Variants in GOLPH3 observed in about 807,000 individuals in gnomAD.
GOLPH3 encodes golgi phosphoprotein 3, also known as coat protein GPP34.
A neutral mutation model predicts 28.5 loss-of-function variants in GOLPH3; 14 were observed. That is an observed-to-expected ratio of 0.49 (90% CI 0.32 to 0.77). The LOEUF is 0.77. GOLPH3 is among the 30% of genes least tolerant of loss of function. The probability of loss-of-function intolerance (pLI) is 0.03; values close to 1 mark genes in which losing one functional copy is unlikely to be tolerated. For missense variants in GOLPH3, 350 were observed against 393.7 expected, an observed-to-expected ratio of 0.89 and a Z score of 0.94; for synonymous variants, 158 against 159.2, an observed-to-expected ratio of 0.99 and a Z score of 0.06.
At chr5:32,127,655 T>G (rs759368973) in intron 3 of GOLPH3, among the ~76,000 whole-genome samples, 10 of 152,184 alleles carry the variant, frequency 6.6e-5, no homozygotes, top group Non-Finnish European at 1.0e-4. Context: ...TCAAAGAAAG[T>G]TCTAGCGGAC....
At chr5:32,143,174 CAT>C (rs2111857323) in intron 2 of GOLPH3, among the ~76,000 whole-genome samples, 1 of 152,332 alleles carries the variant, frequency 6.6e-6, no homozygotes, top group African/African-American at 2.4e-5. Context: ...CTCTCTGAAA[CAT>C]GTGCTGTATC....
chr5:32,124,784 TC>T lies in GOLPH3; in HGVS notation c.*1427del, dbSNP rs1285911516. Reference sequence around the variant, plus strand: ...AAAAGATAGTATACATATTAGGGAATCCCTTAAAATTCAACTCTAGAGTTAT... The same window carrying T: ...AAAAGATAGTATACATATTAGGGAATCCTTAAAATTCAACTCTAGAGTTAT... On this transcript the variant is annotated 3_prime_UTR_variant, in exon 4 of 4. Coordinates refer to ENST00000265070, the MANE Select transcript of GOLPH3 (RefSeq NM_022130.4). 1 of 152,506 alleles carries T rather than the reference TC, an allele frequency of 6.6e-6. No individual in the cohort carries two copies. Among genetic ancestry groups the T allele is most frequent in the Non-Finnish European group, 1.5e-5 (1 of 68,024 alleles). The allele number at this position is 152,506 out of a possible 1,614,324, so 9.4% of individuals were successfully genotyped here. A position where few individuals can be genotyped will look rare whatever the true frequency, so the allele number is the denominator to read the frequency against.
At chr5:32,164,352 T>C (rs1214471828) in intron 1 of GOLPH3, among the ~76,000 whole-genome samples, 1 of 152,206 alleles carries the variant, frequency 6.6e-6, no homozygotes, top group African/African-American at 2.4e-5. Context: ...ACATATTTGT[T>C]TGTACACTGT....
intron 1 of GOLPH3, among the ~76,000 whole-genome samples, chr5:32,171,053 G>A (rs920242589): frequency 6.6e-6 from 1 of 151,986 alleles, no homozygotes; most frequent in Non-Finnish European, 1.5e-5. Flanking sequence ...TCAATTACCC[G>A]CCAAATAACT....
intron 1 of GOLPH3, among the ~76,000 whole-genome samples, chr5:32,152,347 G>A (rs1746325712): frequency 1.3e-5 from 2 of 149,526 alleles, no homozygotes; most frequent in East Asian, 2.0e-4. Context: ...AGCTGGTCTC[G>A]AACTCCTGAC....
intron 3 of GOLPH3, among the ~76,000 whole-genome samples, chr5:32,130,844 T>TC (rs1204868881): frequency 1.3e-5 from 2 of 152,212 alleles, no homozygotes; most frequent in Non-Finnish European, 2.9e-5. Flanking sequence ...CCTCACCTTA[T>TC]CCTTAGTTAA....
chr5:32,144,578 G>A (rs1053183710), intron 1 of GOLPH3, among the ~76,000 whole-genome samples: 4 of 152,192 alleles, frequency 2.6e-5, no homozygotes, highest in Non-Finnish European at 4.4e-5. Flanking sequence ...AAAACAGTGC[G>A]ACATTGTCTC....
chr5:32,167,128 A>G (rs1409077349), intron 1 of GOLPH3, among the ~76,000 whole-genome samples: 4 of 152,188 alleles, frequency 2.6e-5, no homozygotes, highest in Non-Finnish European at 5.9e-5. Context: ...AATCCCCCAA[A>G]TATTTCAAAA....
intron 2 of GOLPH3, among the ~76,000 whole-genome samples, chr5:32,137,908 T>TG (rs1745971409): frequency 1.1e-4 from 1 of 9,206 alleles, no homozygotes; most frequent in Non-Finnish European, 2.1e-4. Context: ...CGGTTTTTTT[T>TG]GTTTTTTTTT....
intron 2 of GOLPH3, among the ~76,000 whole-genome samples, chr5:32,136,788 A>T (rs1745942677): frequency 6.6e-6 from 1 of 152,234 alleles, no homozygotes; most frequent in South Asian, 2.1e-4. Context: ...ATATTCCAAA[A>T]TCCAGAAAAT....
rs566799563 is a variant in GOLPH3 at position 32,125,184 on chromosome 5, G to A, written c.*1028C>T. 31 of 152,698 alleles carry A rather than the reference G, an allele frequency of 2.0e-4. No individual in the cohort carries two copies. Among genetic ancestry groups the A allele is most frequent in the African/African-American group, 7.2e-4 (30 of 41,536 alleles). The allele number at this position is 152,698 out of a possible 1,614,324, so 9.5% of individuals were successfully genotyped here. ...TTGATTTTTTTCCCCAAGAATGTGT[G>A]AGTAGATAAATGACATTTCAGAGCA... On this transcript the variant is annotated 3_prime_UTR_variant, in exon 4 of 4. Coordinates refer to ENST00000265070, the MANE Select transcript of GOLPH3 (RefSeq NM_022130.4).
At chr5:32,133,328 G>A (rs1407518998) in intron 3 of GOLPH3, among the ~76,000 whole-genome samples, 1 of 152,188 alleles carries the variant, frequency 6.6e-6, no homozygotes, top group Non-Finnish European at 1.5e-5. Flanking sequence ...GGAAAGTGAA[G>A]GCAAAGCCCA....
At chr5:32,146,290 CA>C (rs11290084) in intron 1 of GOLPH3, among the ~76,000 whole-genome samples, 107,240 of 143,162 alleles carry the variant, frequency 0.75, 40,575 homozygotes, top group African/African-American at 0.93. Context: ...GACCCTATCT[CA>C]AAAAAAAAAA....
At chr5:32,162,711 T>A (rs930034413) in intron 1 of GOLPH3, among the ~76,000 whole-genome samples, 1 of 152,232 alleles carries the variant, frequency 6.6e-6, no homozygotes, top group South Asian at 2.1e-4. Flanking sequence ...TTCAGCACCA[T>A]GTGGTTTTCA....
At chr5:32,161,919 C>T (rs554833267) in intron 1 of GOLPH3, among the ~76,000 whole-genome samples, 3 of 150,750 alleles carry the variant, frequency 2.0e-5, no homozygotes. Flanking sequence ...CCTAGCTACT[C>T]GGGAGGCTGA....
intron 1 of GOLPH3, among the ~76,000 whole-genome samples, chr5:32,145,092 C>G (rs551952776): frequency 6.6e-6 from 1 of 152,302 alleles, no homozygotes; most frequent in Non-Finnish European, 1.5e-5. Context: ...GGCACTTTGT[C>G]AGGCCAGAGT....
intron 1 of GOLPH3, among the ~76,000 whole-genome samples, chr5:32,162,165 G>T (rs983803193): frequency 1.3e-4 from 19 of 151,460 alleles, no homozygotes; most frequent in African/African-American, 3.9e-4. Context: ...AACAAAGGTA[G>T]AGATAAATAC....
At chr5:32,155,985 A>G (rs1174039631) in intron 1 of GOLPH3, among the ~76,000 whole-genome samples, 2 of 146,144 alleles carry the variant, frequency 1.4e-5, no homozygotes, top group African/African-American at 2.6e-5. Flanking sequence ...AAAAAAAAAA[A>G]AAAAAAAAAG....
chr5:32,150,365 A>G (rs1380715776), intron 1 of GOLPH3, among the ~76,000 whole-genome samples: 1 of 151,788 alleles, frequency 6.6e-6, no homozygotes, highest in Non-Finnish European at 1.5e-5. Flanking sequence ...ATATCCCAAT[A>G]AAAATAGCAA....
Sources: allele counts gnomAD v4.1 joint callset (sites outside exome capture counted in the v4.1 genomes callset), GRCh38; gene constraint gnomAD v4.1.1; transcripts MANE v1.5; gene names NCBI Gene and HGNC (gene_info 2026-07-23, HGNC 2026-07-21).